The following ATP12A variants were observed in gnomAD, a reference collection of about 807,000 sequenced individuals.
The protein encoded by ATP12A is potassium-transporting ATPase alpha chain 2.
Under a neutral mutation model 111.2 loss-of-function variants are expected in ATP12A, and 81 were observed. The ratio of observed to expected loss-of-function variants is 0.73; its 90% confidence interval spans 0.61 to 0.88. ATP12A has a LOEUF of 0.88. Among genes scored for constraint, ATP12A ranks in the 40% least tolerant of loss-of-function variants. The pLI is 0.00. For synonymous variants in ATP12A, 498 were observed against 499.8 expected, an observed-to-expected ratio of 1.00 and a Z score of 0.05; for missense variants, 1,196 against 1,313.1, an observed-to-expected ratio of 0.91 and a Z score of 1.38.
Position 24,711,876 on chromosome 13 carries a change from G to A in ATP12A, c.*354G>A. The A allele has an allele frequency of 3.0e-6, 1 of 330,944 alleles. No homozygotes were observed. Among genetic ancestry groups the A allele is most frequent in the Non-Finnish European group, 5.7e-6 (1 of 176,578 alleles). The allele number at this position is 330,944 out of a possible 1,614,324, so 20.5% of individuals were successfully genotyped here. A position where few individuals can be genotyped will look rare whatever the true frequency, so the allele number is the denominator to read the frequency against. On this transcript the variant is annotated 3_prime_UTR_variant, in exon 23 of 23. Coordinates refer to ENST00000381946, the MANE Select transcript of ATP12A (RefSeq NM_001676.7). ...GGGGCCTGCCTTAAGCTCTAGCTAG[G>A]ATTGCTCAGAACTCCTTTCCACACC... is the stretch of plus-strand genomic sequence containing the variant.
intron 11 of ATP12A, among the ~76,000 whole-genome samples, chr13:24,695,269 G>A (rs10219970): frequency 0.31 from 47,478 of 152,162 alleles, 7,746 homozygotes; most frequent in Middle Eastern, 0.43. Context: ...CAGCCCCGTC[G>A]TTTTCTGGGG....
chr13:24,698,037 G>C (rs558285504), intron 11 of ATP12A, among the ~76,000 whole-genome samples: 21 of 152,016 alleles, frequency 1.4e-4, no homozygotes, highest in Non-Finnish European at 2.8e-4. Context: ...CTTGTATATC[G>C]ATTTTTTTTG....
chr13:24,698,919 CTG>C lies in ATP12A; in HGVS notation c.1705+72_1705+73del, dbSNP rs1875284014. ...GAGATGAGGCAGGCGCCTTGAGGAC[CTG>C]TGACCTAGCCCAGTGGCCATGGCAT... is the stretch of plus-strand genomic sequence containing the variant. On this transcript the variant is annotated intron_variant, in intron 12 of 22. Coordinates refer to ENST00000381946, the MANE Select transcript of ATP12A (RefSeq NM_001676.7). The C allele has an allele frequency of 2.6e-6, 4 of 1,559,776 alleles. No individual in the cohort carries two copies. In the African/African-American group the frequency reaches 5.4e-5, roughly 21 times the overall value.
intron 1 of ATP12A, 49 bp downstream of exon 1, chr13:24,680,801 GC>G (rs1221377109): frequency 4.8e-6 from 7 of 1,466,262 alleles, no homozygotes; most frequent in Admixed American, 2.5e-5. Flanking sequence ...CTGGGCCAAG[GC>G]CCCGGGGACC....
At position 24,685,122 on chromosome 13, in the gene ATP12A, C is replaced by A. The variant is rs1566068981; in HGVS notation, c.169-192C>A. Among the ~76,000 whole-genome samples the A allele has an allele frequency of 6.6e-6, 1 of 152,174 alleles. No individual in the cohort carries two copies. The highest frequency in any genetic ancestry group is 1.5e-5 in the Non-Finnish European group (1 of 68,034). On this transcript the variant is annotated intron_variant, in intron 2 of 22. Transcript: ENST00000381946. This position sits in a 1 kb window ranked among gnomAD's most constrained non-coding sequence, Gnocchi z 5.5. ...GATTGTGCCGACTCAGGGACAGTCA[C>A]TCCTGAGGCAGTGCCATCCTTCGCT...
At chr13:24,684,292 G>A (rs903980729) in intron 2 of ATP12A, among the ~76,000 whole-genome samples, 1 of 152,156 alleles carries the variant, frequency 6.6e-6, no homozygotes, top group African/African-American at 2.4e-5. Context: ...GCTGAGAAGA[G>A]GGCTAGAAGC....
chr13:24,687,383 G>A (rs1044614241), intron 3 of ATP12A, among the ~76,000 whole-genome samples: 12 of 152,222 alleles, frequency 7.9e-5, no homozygotes, highest in Non-Finnish European at 7.4e-5. Flanking sequence ...AGAATCGCTT[G>A]AACCCAGGAG....
At position 24,710,902 on chromosome 13, in the gene ATP12A, A is replaced by G. The variant is rs1308094369; in HGVS notation, c.2999+9A>G. The G allele has an allele frequency of 2.5e-6, 4 of 1,610,550 alleles. No individual in the cohort carries two copies. Among genetic ancestry groups the G allele is most frequent in the Middle Eastern group, 3.3e-4 (2 of 6,050 alleles). ...AGTTTCACCATGCTTAGGTGAGTTC[A>G]CCCTCAACAGCATGGAGGAAAGAGC... On this transcript the variant is annotated intron_variant, in intron 21 of 22. Coordinates refer to ENST00000381946, the MANE Select transcript of ATP12A (RefSeq NM_001676.7).
chr13:24,692,401 C>G (rs1382867399), intron 8 of ATP12A, 28 bp from the exon 9 acceptor site: 2 of 1,607,280 alleles, frequency 1.2e-6, no homozygotes, highest in East Asian at 2.2e-5. Context: ...GAGGATTTTT[C>G]CCAAAGCGTC....
chr13:24,710,925 A>G (rs1566079267), intron 21 of ATP12A, 32 bp downstream of exon 21: 3 of 1,586,252 alleles, frequency 1.9e-6, no homozygotes, highest in Admixed American at 1.7e-5. Flanking sequence ...TGGAGGAAAG[A>G]GCCAGCCTCT....
intron 3 of ATP12A, among the ~76,000 whole-genome samples, chr13:24,686,569 T>C (rs1874675715): frequency 1.3e-5 from 2 of 151,324 alleles, no homozygotes; most frequent in Middle Eastern, 3.4e-3. Context: ...TGAAACCCCG[T>C]CTCTACTAAA....
chr13:24,686,468 T>C (rs1294803377), intron 3 of ATP12A, among the ~76,000 whole-genome samples: 14 of 135,182 alleles, frequency 1.0e-4, no homozygotes, highest in East Asian at 4.5e-4. Flanking sequence ...GGGCCGGGCG[T>C]GGTGGCTCAC....
In ATP12A at chr13:24,689,242, A is replaced by G; in HGVS notation, c.433-20A>G. ...TTCCCACTGCTGGTTTCTCTGACTG[A>G]CGCCCTCCTTCTCACCCAGGTGTAC... On this transcript the variant is annotated intron_variant, in intron 4 of 22. Coordinates refer to ENST00000381946, the MANE Select transcript of ATP12A (RefSeq NM_001676.7). The G allele has an allele frequency of 6.2e-7, 1 of 1,607,526 alleles. No individual in the cohort carries two copies. The highest frequency in any genetic ancestry group is 8.5e-7 in the Non-Finnish European group (1 of 1,174,276).
At chr13:24,697,322 C>A (rs1381098091) in intron 11 of ATP12A, among the ~76,000 whole-genome samples, 3 of 152,136 alleles carry the variant, frequency 2.0e-5, no homozygotes, top group African/African-American at 7.2e-5. Context: ...CATATTATCC[C>A]TATGTTTTAA....
chr13:24,710,614 C>T (rs767343707), intron 20 of ATP12A, 21 bp downstream of exon 20: 1 of 1,613,730 alleles, frequency 6.2e-7, no homozygotes, highest in Non-Finnish European at 8.5e-7. Context: ...TGCCCGGCCT[C>T]CTGGGGCAGC....
rs555395757 is a variant in ATP12A at position 24,706,253 on chromosome 13, A to G, written c.2019-60A>G. The G allele has an allele frequency of 1.0e-5, 16 of 1,584,322 alleles. No homozygotes were observed. In the South Asian group the frequency reaches 1.7e-4, roughly 16 times the overall value. On this transcript the variant is annotated intron_variant, in intron 14 of 22. Transcript: ENST00000381946. ...GGCTTCAGCCAGCATCCTGCCTGGA[A>G]CAGTGTTTCAACCTAAGATCTGCCC...
chr13:24,710,333 A>G (rs1875906638), intron 19 of ATP12A, 127 bp from the exon 20 acceptor site: 1 of 1,143,114 alleles, frequency 8.7e-7, no homozygotes, highest in Non-Finnish European at 1.2e-6. Context: ...TCCAAACACT[A>G]GAAGGTGGTC....
At chr13:24,696,753 G>T (rs1173147228) in intron 11 of ATP12A, among the ~76,000 whole-genome samples, 2 of 96,002 alleles carry the variant, frequency 2.1e-5, no homozygotes, top group Non-Finnish European at 4.3e-5. Context: ...AAAAGAAAGG[G>T]GAGAGGGGCT....
intron 13 of ATP12A, among the ~76,000 whole-genome samples, chr13:24,701,531 AAAG>A (rs1875397394): frequency 6.6e-6 from 1 of 151,852 alleles, no homozygotes; most frequent in African/African-American, 2.4e-5. Flanking sequence ...GAAAGAAAGA[AAAG>A]AAAAGAAAAA....
Sources: allele counts gnomAD v4.1 joint callset (sites outside exome capture counted in the v4.1 genomes callset), GRCh38; gene constraint gnomAD v4.1.1; non-coding constraint Gnocchi (gnomAD v3.1); transcripts MANE v1.5; gene names NCBI Gene and HGNC (gene_info 2026-07-23, HGNC 2026-07-21).